Variants in STAG1 observed in about 807,000 individuals in gnomAD.
STAG1 encodes STAG1 cohesin complex component.
STAG1 carries 26 observed loss-of-function variants against 170.9 expected under a neutral mutation model. That is an observed-to-expected ratio of 0.15 (90% CI 0.11 to 0.21). The LOEUF is 0.21. Among genes scored for constraint, STAG1 ranks in the 10% least tolerant of loss-of-function variants. The pLI is 1.00. For synonymous variants in STAG1, 514 were observed against 497.7 expected (o/e 1.03, Z -0.44); for missense variants, 964 against 1,509.5 (o/e 0.64, Z 5.99).
intron 1 of STAG1, among the ~76,000 whole-genome samples, chr3:136,726,416 A>G (rs556096828): frequency 3.3e-5 from 5 of 152,332 alleles, no homozygotes; most frequent in Admixed American, 3.3e-4. Context: ...GTTGAGAACC[A>G]CTAAGCTAGA....
At chr3:136,599,943 T>C (rs2107802733) in intron 4 of STAG1, among the ~76,000 whole-genome samples, 1 of 152,310 alleles carries the variant, frequency 6.6e-6, no homozygotes, top group Non-Finnish European at 1.5e-5. Flanking sequence ...ATTACCTCCA[T>C]GGCAGAACCA....
chr3:136,509,451 T>G (rs946904874), intron 7 of STAG1, among the ~76,000 whole-genome samples: 1 of 151,838 alleles, frequency 6.6e-6, no homozygotes, highest in Non-Finnish European at 1.5e-5. Context: ...TCCAGCCACT[T>G]TCAGCTCTGC....
chr3:136,575,911 T>C (rs1204861181), intron 4 of STAG1, among the ~76,000 whole-genome samples: 1 of 152,212 alleles, frequency 6.6e-6, no homozygotes, highest in African/African-American at 2.4e-5. Context: ...GCGGCCTCCT[T>C]GAACGTTCTT....
intron 1 of STAG1, among the ~76,000 whole-genome samples, chr3:136,638,002 T>A (rs1023562557): frequency 2.0e-5 from 3 of 151,998 alleles, no homozygotes; most frequent in Non-Finnish European, 2.9e-5. Context: ...CTCCAACTCC[T>A]GGGCCCAAGT....
At chr3:136,724,503 G>C (rs1358216080) in intron 1 of STAG1, among the ~76,000 whole-genome samples, 1 of 150,770 alleles carries the variant, frequency 6.6e-6, no homozygotes, top group Non-Finnish European at 1.5e-5. Flanking sequence ...GAAAACCAGA[G>C]ACCTTTGTTC....
At chr3:136,638,889 G>A (rs561886619) in intron 1 of STAG1, among the ~76,000 whole-genome samples, 1 of 152,098 alleles carries the variant, frequency 6.6e-6, no homozygotes, top group South Asian at 2.1e-4. Context: ...GCAACAGAGG[G>A]AGACTCTGTC....
chr3:136,404,492 C>T (rs1430102971), intron 21 of STAG1, among the ~76,000 whole-genome samples: 4 of 152,170 alleles, frequency 2.6e-5, no homozygotes, highest in Admixed American at 2.6e-4. Context: ...GAGCAATTAA[C>T]ACCCTACTCC....
intron 29 of STAG1, among the ~76,000 whole-genome samples, chr3:136,346,164 A>G (rs946449270): frequency 2.6e-4 from 39 of 152,292 alleles, no homozygotes; most frequent in Admixed American, 2.5e-3. Context: ...GGCACATCAG[A>G]GCATTGACCA....
intron 3 of STAG1, among the ~76,000 whole-genome samples, chr3:136,610,333 C>G (rs1462250068): frequency 6.6e-6 from 1 of 152,130 alleles, no homozygotes; most frequent in Non-Finnish European, 1.5e-5. Context: ...CTGTACCTGG[C>G]CTTTAGCAGG....
intron 7 of STAG1, chr3:136,517,990 G>C (rs1353017871): frequency 6.3e-6 from 1 of 159,688 alleles, no homozygotes; most frequent in Admixed American, 6.5e-5. Context: ...ACCTCCAATG[G>C]AAAAATAAGA....
chr3:136,513,043 A>G (rs1934154648), intron 7 of STAG1, among the ~76,000 whole-genome samples: 1 of 152,162 alleles, frequency 6.6e-6, no homozygotes, highest in African/African-American at 2.4e-5. Context: ...AACACAGAAT[A>G]TTTCAAAAAA....
intron 3 of STAG1, among the ~76,000 whole-genome samples, chr3:136,613,454 T>C (rs1351254444): frequency 2.0e-5 from 3 of 152,132 alleles, no homozygotes; most frequent in African/African-American, 7.2e-5. Flanking sequence ...GATTTGCAGT[T>C]CCCAAATGAC....
chr3:136,347,505 TAA>T (rs1383669569), intron 29 of STAG1, among the ~76,000 whole-genome samples: 2 of 152,108 alleles, frequency 1.3e-5, no homozygotes, highest in East Asian at 3.8e-4. Flanking sequence ...TCTGGACTTT[TAA>T]AAAAGACTTT....
intron 3 of STAG1, among the ~76,000 whole-genome samples, chr3:136,622,354 C>T (rs1939902864): frequency 6.6e-6 from 1 of 151,370 alleles, no homozygotes; most frequent in Non-Finnish European, 1.5e-5. Flanking sequence ...TTATTTTTAG[C>T]AATACACACT....
At position 136,678,233 on chromosome 3, in the gene STAG1, T is replaced by TA. The variant is rs199800010; in HGVS notation, c.-83-47253dup. 1.3e-3 allele frequency among the ~76,000 whole-genome samples: 185 copies of TA among 143,162 alleles called. 1 individual carries two copies. The highest frequency in any genetic ancestry group is 4.0e-3 in the East Asian group (20 of 5,016). The allele number at this position is 143,162 out of a possible 152,430, so 93.9% of individuals were successfully genotyped here. ...ACAAATGCTAGAGAACAGCTAATGC[T>TA]AAAAAAAAAAGGTGTAAACTTGAAA... is the stretch of plus-strand genomic sequence containing the variant. On this transcript the variant is annotated intron_variant, in intron 1 of 33. Coordinates refer to ENST00000383202, the MANE Select transcript of STAG1 (RefSeq NM_005862.3).
intron 5 of STAG1, among the ~76,000 whole-genome samples, chr3:136,549,326 T>A (rs1265516049): frequency 6.6e-6 from 1 of 152,118 alleles, no homozygotes; most frequent in East Asian, 1.9e-4. Context: ...TTTTTTTCCC[T>A]TGAGACAGAG....
chr3:136,525,140 C>T (rs1346369860), intron 6 of STAG1, among the ~76,000 whole-genome samples: 3 of 152,050 alleles, frequency 2.0e-5, no homozygotes, highest in East Asian at 1.9e-4. Context: ...CCCTCTTTTT[C>T]GGTTGATTGG....
chr3:136,736,972 G>T, intron 1 of STAG1: 2 of 1,596,254 alleles, frequency 1.3e-6, no homozygotes. Context: ...TGCTCTGTCA[G>T]CATCATCTTG....
chr3:136,658,549 AT>A (rs1179090750), intron 1 of STAG1, among the ~76,000 whole-genome samples: 5 of 149,940 alleles, frequency 3.3e-5, no homozygotes, highest in Admixed American at 1.3e-4. Context: ...ATAATCAATA[AT>A]TTTTTAAGAC....
Sources: allele counts gnomAD v4.1 joint callset (sites outside exome capture counted in the v4.1 genomes callset), GRCh38; gene constraint gnomAD v4.1.1; transcripts MANE v1.5; gene names NCBI Gene and HGNC (gene_info 2026-07-23, HGNC 2026-07-21).